PLA2G2C: variants seen among roughly 807,000 people sequenced by gnomAD.
PLA2G2C encodes phospholipase A2 group IIC.
In PLA2G2C, 15 loss-of-function variants were observed where a neutral mutation model predicts 14.3. That is an observed-to-expected ratio of 1.05 (90% CI 0.70 to 1.62). PLA2G2C has a LOEUF of 1.62. PLA2G2C is among the 40% of genes most tolerant of loss of function. PLA2G2C has a pLI of 0.00. For synonymous variants in PLA2G2C, 79 were observed against 67.7 expected (o/e 1.17, Z -0.82); for missense variants, 162 against 173.2 (o/e 0.94, Z 0.36).
chr1:20,166,940 G>C (rs548151650), intron 4 of PLA2G2C, among the ~76,000 whole-genome samples: 1 of 152,158 alleles, frequency 6.6e-6, no homozygotes, highest in Non-Finnish European at 1.5e-5. Flanking sequence ...AAGAAAAACC[G>C]TCTTTGGAGG....
chr1:20,178,740 T>C (rs1037442669), intron 1 of PLA2G2C, among the ~76,000 whole-genome samples: 2 of 152,198 alleles, frequency 1.3e-5, no homozygotes, highest in Non-Finnish European at 2.9e-5. Context: ...GCATTACTGG[T>C]CATGAAATCC....
intron 2 of PLA2G2C, 31 bp downstream of exon 2, chr1:20,177,293 T>C: frequency 1.4e-6 from 1 of 700,496 alleles, no homozygotes; most frequent in Non-Finnish European, 2.6e-6. Flanking sequence ...AGACAGAAGC[T>C]TGGTGCTGAC....
intron 4 of PLA2G2C, among the ~76,000 whole-genome samples, chr1:20,171,855 G>A (rs373669254): frequency 2.1e-5 from 3 of 145,726 alleles, no homozygotes; most frequent in East Asian, 4.0e-4. Context: ...TCCGCCTCCC[G>A]GGTTCACGCC....
At chr1:20,172,563 C>T (rs1299751619) in intron 4 of PLA2G2C, among the ~76,000 whole-genome samples, 1 of 152,176 alleles carries the variant, frequency 6.6e-6, no homozygotes, top group Non-Finnish European at 1.5e-5. Context: ...ATCTGCCAGG[C>T]TCTGGGCCCC....
chr1:20,165,248 A>C (rs896190136), intron 4 of PLA2G2C, among the ~76,000 whole-genome samples: 14 of 152,216 alleles, frequency 9.2e-5, no homozygotes, highest in Admixed American at 5.9e-4. Context: ...ATCTGCAAGC[A>C]GTGGGATCCC....
intron 1 of PLA2G2C, among the ~76,000 whole-genome samples, chr1:20,181,876 C>A (rs997803413): frequency 6.6e-6 from 1 of 152,146 alleles, no homozygotes; most frequent in Non-Finnish European, 1.5e-5. Flanking sequence ...CAAGAGACTG[C>A]AAGGGTGGAG....
At chr1:20,177,460 C>G (rs537272561) in intron 1 of PLA2G2C, 21 bp from the exon 2 acceptor site, 87 of 592,370 alleles carry the variant, frequency 1.5e-4, no homozygotes, top group African/African-American at 1.5e-3. Flanking sequence ...ACAAAATGAC[C>G]AAAATGAGGC....
intron 2 of PLA2G2C, among the ~76,000 whole-genome samples, chr1:20,177,065 G>A (rs562684670): frequency 6.8e-4 from 104 of 152,260 alleles, no homozygotes; most frequent in Non-Finnish European, 1.3e-3. Flanking sequence ...GGGTAAAATA[G>A]TAGTCAAACT....
chr1:20,169,881 C>A (rs965161722), intron 4 of PLA2G2C, among the ~76,000 whole-genome samples: 3 of 152,326 alleles, frequency 2.0e-5, no homozygotes, highest in African/African-American at 7.2e-5. Context: ...TCCATCTGCC[C>A]CTCTTTCCTT....
At chr1:20,172,683 C>CA in intron 4 of PLA2G2C, 111 bp downstream of exon 4, 1 of 959,586 alleles carries the variant, frequency 1.0e-6, no homozygotes, top group Non-Finnish European at 1.5e-6. Context: ...TATCTCCTTC[C>CA]AAGCACTTGG....
intron 4 of PLA2G2C, among the ~76,000 whole-genome samples, chr1:20,172,287 C>T (rs1415414038): frequency 1.3e-5 from 2 of 152,062 alleles, no homozygotes; most frequent in African/African-American, 4.8e-5. Flanking sequence ...GCACTTGATC[C>T]ACTTGCCCAC....
chr1:20,167,436 C>T (rs1361687556), intron 4 of PLA2G2C, among the ~76,000 whole-genome samples: 2 of 152,190 alleles, frequency 1.3e-5, no homozygotes, highest in African/African-American at 4.8e-5. Flanking sequence ...GGGGTGCAGC[C>T]TCTGTTCCCT....
At chr1:20,174,895 G>C in intron 3 of PLA2G2C, 112 bp downstream of exon 3, 1 of 1,111,758 alleles carries the variant, frequency 9.0e-7, no homozygotes, top group Non-Finnish European at 1.3e-6. Flanking sequence ...CCATTAGCCT[G>C]AGTTGTTTTC....
chr1:20,177,187 G>A (rs2018200771), intron 2 of PLA2G2C, 137 bp downstream of exon 2: 3 of 686,918 alleles, frequency 4.4e-6, no homozygotes. Context: ...ACGTTGGTGG[G>A]AGCCCGTTCC....
At chr1:20,176,030 C>T (rs1310888764) in intron 2 of PLA2G2C, among the ~76,000 whole-genome samples, 4 of 151,924 alleles carry the variant, frequency 2.6e-5, no homozygotes, top group Non-Finnish European at 4.4e-5. Flanking sequence ...CTGCCTCAGC[C>T]TCCTGAGTAG....
At chr1:20,179,383 T>C (rs971780307) in intron 1 of PLA2G2C, among the ~76,000 whole-genome samples, 2 of 152,050 alleles carry the variant, frequency 1.3e-5, no homozygotes, top group African/African-American at 2.4e-5. Flanking sequence ...CTTCTACCTC[T>C]GTGTCAACTT....
intron 1 of PLA2G2C, among the ~76,000 whole-genome samples, chr1:20,179,103 C>T (rs1274680698): frequency 6.6e-6 from 1 of 152,204 alleles, no homozygotes; most frequent in Non-Finnish European, 1.5e-5. Flanking sequence ...TTTAAAGGGC[C>T]ATCCCTTGCC....
intron 1 of PLA2G2C, among the ~76,000 whole-genome samples, chr1:20,178,906 T>A (rs1446663792): frequency 2.6e-5 from 4 of 152,246 alleles, no homozygotes; most frequent in Non-Finnish European, 5.9e-5. Flanking sequence ...TGGTTCTCCA[T>A]TAGTTCTCGA....
chr1:20,172,676 CTCCTTCCAAGCACT>C lies in PLA2G2C; in HGVS notation c.283+104_283+117del, dbSNP rs2018107673. ...GCATCAGGAGAAAGCTCAGGAATATCTCCTTCCAAGCACTTGGAAGCATTTCATTTTCTAAAAGA... is the reference window on the plus strand; with the variant it reads ...GCATCAGGAGAAAGCTCAGGAATATCTGGAAGCATTTCATTTTCTAAAAGA... On this transcript the variant is annotated intron_variant, in intron 4 of 4. Transcript: ENST00000679259. 26 of 892,656 alleles carry C rather than the reference CTCCTTCCAAGCACT, an allele frequency of 2.9e-5. No homozygotes were observed. The South Asian group carries it at 4.6e-4, about 16-fold the overall frequency. The allele number at this position is 892,656 out of a possible 1,614,324, so 55.3% of individuals were successfully genotyped here.
Sources: allele counts gnomAD v4.1 joint callset (sites outside exome capture counted in the v4.1 genomes callset), GRCh38; gene constraint gnomAD v4.1.1; transcripts MANE v1.5; gene names NCBI Gene and HGNC (gene_info 2026-07-23, HGNC 2026-07-21).